Variants in TIGAR observed in about 807,000 individuals in gnomAD.
TIGAR encodes the protein TP53 induced glycolysis regulatory phosphatase.
A neutral mutation model predicts 17.9 loss-of-function variants in TIGAR; 7 were observed. That is an observed-to-expected ratio of 0.39 (90% confidence interval 0.22 to 0.73). TIGAR has a LOEUF of 0.73. Ranked by LOEUF, TIGAR falls within the 30% of genes least tolerant of loss-of-function variation. TIGAR has a pLI of 0.42. For missense variants in TIGAR, 258 were observed against 327.4 expected (o/e 0.79, Z 1.64); for synonymous variants, 94 against 108.6 (o/e 0.87, Z 0.84).
intron 2 of TIGAR, among the ~76,000 whole-genome samples, chr12:4,333,842 C>T (rs2120660795): frequency 6.6e-6 from 1 of 152,316 alleles, no homozygotes; most frequent in East Asian, 1.9e-4. Flanking sequence ...TCAGGTGACC[C>T]ATCTGCCTTG....
At chr12:4,325,741 C>CAAA (rs11447841) in intron 1 of TIGAR, among the ~76,000 whole-genome samples, 163 of 111,834 alleles carry the variant, frequency 1.5e-3, no homozygotes, top group African/African-American at 5.0e-3. Flanking sequence ...AAACTCGTCT[C>CAAA]AAAAAAAAAA....
At chr12:4,350,101 G>A (rs761243452) in intron 4 of TIGAR, among the ~76,000 whole-genome samples, 5 of 152,096 alleles carry the variant, frequency 3.3e-5, no homozygotes, top group Non-Finnish European at 7.4e-5. Flanking sequence ...AGCATCTTAA[G>A]GTATAAAAGA....
Position 4,358,365 on chromosome 12 carries a change from G to T in TIGAR, c.*5674G>T, listed in dbSNP as rs1864935244. ...AGAATAATTACAGTAATGTGTATGT[G>T]CGTGTGTTTTGGTAATCTTTTATCT... On this transcript the variant is annotated 3_prime_UTR_variant, in exon 6 of 6. Coordinates refer to ENST00000179259, the MANE Select transcript of TIGAR (RefSeq NM_020375.3). 6.6e-6 allele frequency among the ~76,000 whole-genome samples: 1 copy of T among 151,800 alleles called. No homozygotes were observed. Among genetic ancestry groups the T allele is most frequent in the Admixed American group, 6.6e-5 (1 of 15,266 alleles).
chr12:4,336,484 A>ACACACACACACACACACACT (rs1864660475), intron 2 of TIGAR, among the ~76,000 whole-genome samples: 1 of 151,304 alleles, frequency 6.6e-6, no homozygotes, highest in African/African-American at 2.4e-5. Flanking sequence ...ACACACACAC[A>ACACACACACACACACACACT]CACACACACA....
intron 1 of TIGAR, among the ~76,000 whole-genome samples, chr12:4,322,921 T>C (rs1276755943): frequency 2.0e-5 from 3 of 152,024 alleles, no homozygotes; most frequent in African/African-American, 2.4e-5. Context: ...TTTCTTCCAA[T>C]GTTAGTGCAC....
chr12:4,346,283 G>C (rs545441117), intron 3 of TIGAR, among the ~76,000 whole-genome samples: 1 of 152,020 alleles, frequency 6.6e-6, no homozygotes, highest in Non-Finnish European at 1.5e-5. Flanking sequence ...TATAAATCAT[G>C]TGCTATAAAG....
intron 3 of TIGAR, among the ~76,000 whole-genome samples, chr12:4,340,470 C>T (rs1399771346): frequency 6.6e-6 from 1 of 152,182 alleles, no homozygotes; most frequent in East Asian, 1.9e-4. Context: ...AATGTTCATA[C>T]TACCCAAAGC....
At chr12:4,336,446 G>GCA (rs10595001) in intron 2 of TIGAR, among the ~76,000 whole-genome samples, 6,689 of 138,386 alleles carry the variant, frequency 0.048, 160 homozygotes, top group Non-Finnish European at 0.052. Context: ...CAGCAATGCA[G>GCA]CACACACACA....
At position 4,354,648 on chromosome 12, in the gene TIGAR, C is replaced by A. The variant is rs967912710; in HGVS notation, c.*1957C>A. On this transcript the variant is annotated 3_prime_UTR_variant, in exon 6 of 6. Coordinates refer to ENST00000179259, the MANE Select transcript of TIGAR (RefSeq NM_020375.3). ...TATATATAGATCTAGTTAATTATAA[C>A]CACTCTATTCTATTAAATATAGCAC... 7.9e-5 allele frequency: 12 copies of A among 151,582 alleles called. No individual in the cohort carries two copies. The highest frequency in any genetic ancestry group is 1.3e-4 in the Admixed American group (2 of 15,236). The allele number at this position is 151,582 out of a possible 1,614,324, so 9.4% of individuals were successfully genotyped here.
chr12:4,349,097 G>C (rs1330674404), intron 3 of TIGAR, among the ~76,000 whole-genome samples: 1 of 152,096 alleles, frequency 6.6e-6, no homozygotes. Context: ...TAAGGAATTA[G>C]AATGGGGATT....
In TIGAR at chr12:4,359,526, A is replaced by G. The variant is rs1284092292; in HGVS notation, c.*6835A>G. On this transcript the variant is annotated 3_prime_UTR_variant, in exon 6 of 6. Transcript: ENST00000179259. The stretch of plus-strand genomic sequence containing the variant: ...CCAAGATCTCGGTGCCAGGGTGCTC[A>G]TTGCTAATAGTGCCTTTAAAAAAAT... Among the ~76,000 whole-genome samples, 1 of 152,130 alleles carries G rather than the reference A, an allele frequency of 6.6e-6. No individual in the cohort carries two copies. Among genetic ancestry groups the G allele is most frequent in the Admixed American group, 6.5e-5 (1 of 15,274 alleles).
chr12:4,331,195 C>A, intron 1 of TIGAR, 85 bp from the exon 2 acceptor site: 2 of 1,168,866 alleles, frequency 1.7e-6, no homozygotes, highest in South Asian at 1.2e-5. Flanking sequence ...TTTAGAGTAT[C>A]ACCACACTTG....
At chr12:4,333,238 T>C (rs768191335) in intron 2 of TIGAR, among the ~76,000 whole-genome samples, 4 of 152,180 alleles carry the variant, frequency 2.6e-5, no homozygotes, top group Non-Finnish European at 5.9e-5. Context: ...TTAAGTGTTA[T>C]CTCATAAATA....
chr12:4,325,698 C>T (rs575976775), intron 1 of TIGAR, among the ~76,000 whole-genome samples: 191 of 148,174 alleles, frequency 1.3e-3, no homozygotes, highest in African/African-American at 4.5e-3. Flanking sequence ...GCCCAGATTG[C>T]GCCGTTGCAC....
At chr12:4,328,098 G>T in intron 1 of TIGAR, among the ~76,000 whole-genome samples, 1 of 152,206 alleles carries the variant, frequency 6.6e-6, no homozygotes, top group African/African-American at 2.4e-5. Flanking sequence ...CCCCATGTTT[G>T]CCCTGAATGC....
At chr12:4,332,707 T>G (rs546174188) in intron 2 of TIGAR, among the ~76,000 whole-genome samples, 1 of 152,360 alleles carries the variant, frequency 6.6e-6, no homozygotes, top group Non-Finnish European at 1.5e-5. Context: ...TGATGATACT[T>G]CTTTGAAATG....
intron 3 of TIGAR, among the ~76,000 whole-genome samples, chr12:4,340,314 T>C (rs1864705807): frequency 6.6e-6 from 1 of 152,036 alleles, no homozygotes; most frequent in Non-Finnish European, 1.5e-5. Context: ...TAGCCACAAA[T>C]AAAATTAAAT....
chr12:4,327,956 G>A (rs1339873065), intron 1 of TIGAR, among the ~76,000 whole-genome samples: 21 of 152,080 alleles, frequency 1.4e-4, no homozygotes, highest in African/African-American at 5.1e-4. Context: ...ATGAGCCACC[G>A]CGCCCAGCCG....
At chr12:4,331,235 C>T (rs918065072) in intron 1 of TIGAR, 45 bp from the exon 2 acceptor site, 27 of 1,544,852 alleles carry the variant, frequency 1.7e-5, no homozygotes, top group Admixed American at 5.0e-5. Context: ...CTCTCAAAAA[C>T]AGTATAATTT....
Sources: allele counts gnomAD v4.1 joint callset (sites outside exome capture counted in the v4.1 genomes callset), GRCh38; gene constraint gnomAD v4.1.1; transcripts MANE v1.5; gene names NCBI Gene and HGNC (gene_info 2026-07-23, HGNC 2026-07-21).